Variants in TMEM232 observed in about 807,000 individuals in gnomAD.
The protein encoded by TMEM232 is transmembrane protein 232.
A neutral mutation model predicts 78.8 loss-of-function variants in TMEM232; 80 were observed. The observed-to-expected ratio is 1.01, with a 90% CI of 0.85 to 1.22. TMEM232 has a LOEUF of 1.22. TMEM232 is among the 50% of genes most tolerant of loss of function. The pLI, the probability that TMEM232 is intolerant of heterozygous loss-of-function variation, is 0.00. For missense variants in TMEM232, 881 were observed against 742.2 expected (o/e 1.19, Z -2.17); for synonymous variants, 297 against 254.3 (o/e 1.17, Z -1.60).
At chr5:110,492,585 A>C (rs1241343454) in intron 12 of TMEM232, among the ~76,000 whole-genome samples, 2 of 151,980 alleles carry the variant, frequency 1.3e-5, no homozygotes, top group Non-Finnish European at 2.9e-5. Flanking sequence ...CAAAAGGTTC[A>C]AACCATTCTG....
At chr5:110,492,079 C>T (rs2149421399) in intron 12 of TMEM232, among the ~76,000 whole-genome samples, 1 of 151,752 alleles carries the variant, frequency 6.6e-6, no homozygotes, top group East Asian at 1.9e-4. Context: ...GTACAAAAAC[C>T]TTGAGAGAAT....
At chr5:110,661,407 T>A (rs1270661053) in intron 2 of TMEM232, among the ~76,000 whole-genome samples, 2 of 119,278 alleles carry the variant, frequency 1.7e-5, no homozygotes, top group East Asian at 5.4e-4. Flanking sequence ...TACCTCTAGG[T>A]CTCAAGTAAC....
At chr5:110,393,115 T>G (rs13358422) in intron 3 of TMEM232, among the ~76,000 whole-genome samples, 2 of 152,144 alleles carry the variant, frequency 1.3e-5, no homozygotes, top group African/African-American at 2.4e-5. Flanking sequence ...GGAATAGACA[T>G]GTACACTTGT....
At chr5:110,723,626 A>G (rs1431781656) in intron 1 of TMEM232, among the ~76,000 whole-genome samples, 1 of 152,136 alleles carries the variant, frequency 6.6e-6, no homozygotes, top group Admixed American at 6.5e-5. Flanking sequence ...ATTATCATCT[A>G]TACTCCTAGG....
At chr5:110,612,801 T>C (rs910332151) in intron 8 of TMEM232, among the ~76,000 whole-genome samples, 1 of 152,188 alleles carries the variant, frequency 6.6e-6, no homozygotes, top group Non-Finnish European at 1.5e-5. Flanking sequence ...CTCAGCAGTC[T>C]TCATTGGCTA....
chr5:110,634,225 T>C (rs989250944), intron 5 of TMEM232, among the ~76,000 whole-genome samples: 5 of 152,070 alleles, frequency 3.3e-5, no homozygotes, highest in Non-Finnish European at 5.9e-5. Flanking sequence ...AATAGAAATA[T>C]AGACTCCAAT....
intron 10 of TMEM232, among the ~76,000 whole-genome samples, chr5:110,604,340 T>C (rs1385740809): frequency 6.6e-6 from 1 of 152,184 alleles, no homozygotes; most frequent in African/African-American, 2.4e-5. Flanking sequence ...AGTAGCAAAA[T>C]GACCTTTAGT....
At chr5:110,654,928 C>G (rs1323030009) in intron 2 of TMEM232, among the ~76,000 whole-genome samples, 1 of 151,982 alleles carries the variant, frequency 6.6e-6, no homozygotes, top group Non-Finnish European at 1.5e-5. Flanking sequence ...TGGGAGTTCA[C>G]TCACCTAAAA....
intron 6 of TMEM232, 101 bp from the exon 7 acceptor site, chr5:110,625,534 A>C: frequency 1.8e-6 from 2 of 1,105,324 alleles, no homozygotes; most frequent in Non-Finnish European, 1.2e-6. Flanking sequence ...TTCAGTACTT[A>C]GATGCAGAAA....
chr5:110,460,635 TTTGC>T (rs1329727014), intron 12 of TMEM232, among the ~76,000 whole-genome samples: 1 of 152,104 alleles, frequency 6.6e-6, no homozygotes, highest in African/African-American at 2.4e-5. Context: ...TTTCTCGTGC[TTTGC>T]TTTATTGAAT....
At chr5:110,737,378 T>C (rs748415814) in intron 1 of TMEM232, among the ~76,000 whole-genome samples, 1 of 152,174 alleles carries the variant, frequency 6.6e-6, no homozygotes, top group Admixed American at 6.5e-5. Context: ...GCCAGAAACA[T>C]GTAAAAAACC....
At chr5:110,677,608 A>G (rs1451349033) in intron 1 of TMEM232, among the ~76,000 whole-genome samples, 3 of 152,204 alleles carry the variant, frequency 2.0e-5, no homozygotes. Context: ...TTTATTTTCT[A>G]AAGAAGATTC....
At chr5:110,440,911 G>A (rs1046489956) in intron 12 of TMEM232, among the ~76,000 whole-genome samples, 4 of 152,084 alleles carry the variant, frequency 2.6e-5, no homozygotes, top group African/African-American at 9.7e-5. Flanking sequence ...TCACATGTCC[G>A]ATGCAGTTCA....
rs575139649 is a variant in TMEM232, at chr5:110,710,780, T to C, written c.-13+15847A>G. On this transcript the variant is annotated intron_variant, in intron 1 of 13. Transcript: ENST00000455884. The stretch of plus-strand genomic sequence containing the variant: ...ACATACCTCAACATAATAAAAGCCA[T>C]ATATTTCAGACTTGCAGCTAGTATC... Among the ~76,000 whole-genome samples, 524 of 152,218 alleles carry C rather than the reference T, an allele frequency of 3.4e-3. 3 individuals are homozygous for C. Among genetic ancestry groups the C allele is most frequent in the African/African-American group, 0.012 (496 of 41,548 alleles).
chr5:110,677,814 C>A (rs188807351), intron 1 of TMEM232, among the ~76,000 whole-genome samples: 158 of 152,172 alleles, frequency 1.0e-3, no homozygotes, highest in Non-Finnish European at 1.9e-3. Context: ...AAAAAAATTT[C>A]TTCTTTGATT....
intron 1 of TMEM232, among the ~76,000 whole-genome samples, chr5:110,705,263 C>A (rs1215449403): frequency 2.0e-5 from 3 of 152,060 alleles, no homozygotes; most frequent in Non-Finnish European, 4.4e-5. Flanking sequence ...ACAGCACTGG[C>A]CAGCTAAGGT....
chr5:110,508,905 A>T (rs1010210801), intron 12 of TMEM232, among the ~76,000 whole-genome samples: 6 of 142,096 alleles, frequency 4.2e-5, no homozygotes, highest in Non-Finnish European at 6.1e-5. Flanking sequence ...TATATATATA[A>T]AATTATATAT....
chr5:110,681,556 G>A (rs751412074), intron 1 of TMEM232, among the ~76,000 whole-genome samples: 68 of 152,214 alleles, frequency 4.5e-4, no homozygotes, highest in Non-Finnish European at 1.3e-4. Context: ...TTGAATGCGT[G>A]AGAGAGATTA....
At chr5:110,475,846 T>C (rs1167677194) in intron 12 of TMEM232, among the ~76,000 whole-genome samples, 1 of 151,784 alleles carries the variant, frequency 6.6e-6, no homozygotes, top group Non-Finnish European at 1.5e-5. Context: ...CAAACAATCC[T>C]TGAGGTTCAC....
Sources: gnomAD v4.1 joint callset for allele counts (sites outside exome capture counted in the v4.1 genomes callset) on GRCh38, gnomAD v4.1.1 for gene constraint, MANE v1.5 for transcripts, NCBI Gene and HGNC (gene_info 2026-07-23, HGNC 2026-07-21) for gene names.